The following ENKUR variants were observed in gnomAD, a reference collection of about 807,000 sequenced individuals.
The protein encoded by ENKUR is enkurin, TRPC channel interacting protein.
ENKUR carries 19 observed loss-of-function variants against 27.6 expected under a neutral mutation model. The observed-to-expected ratio is 0.69, with a 90% confidence interval of 0.48 to 1.01. The LOEUF (loss-of-function observed/expected upper bound fraction) is 1.01. Among genes scored for constraint, ENKUR ranks in the 50% least tolerant of loss-of-function variants. The pLI, the probability that ENKUR is intolerant of heterozygous loss-of-function variation, is 0.00. For missense variants in ENKUR, 312 were observed against 310.5 expected, an observed-to-expected ratio of 1.00 and a Z score of -0.04; for synonymous variants, 117 against 96.9, an observed-to-expected ratio of 1.21 and a Z score of -1.22.
At chr10:25,013,920 C>T (rs1251909200) in intron 1 of ENKUR, among the ~76,000 whole-genome samples, 1 of 149,724 alleles carries the variant, frequency 6.7e-6, no homozygotes, top group African/African-American at 2.5e-5. Context: ...CCAGCCTGGG[C>T]AAAAAGAGTG....
At chr10:24,987,051 T>C (rs187285330) in intron 4 of ENKUR, among the ~76,000 whole-genome samples, 290 of 152,310 alleles carry the variant, frequency 1.9e-3, no homozygotes, top group African/African-American at 6.7e-3. Flanking sequence ...CTCCCAGCTC[T>C]TTCGCCCTCT....
At chr10:25,061,966 A>C (rs144482821) in intron 1 of ENKUR, among the ~76,000 whole-genome samples, 466 of 152,348 alleles carry the variant, frequency 3.1e-3, no homozygotes, top group Middle Eastern at 0.014. Flanking sequence ...AAAAGTGTGC[A>C]ACTGGCTGAG....
chr10:25,057,654 G>A (rs544900875), intron 2 of ENKUR, among the ~76,000 whole-genome samples: 95 of 152,154 alleles, frequency 6.2e-4, no homozygotes, highest in African/African-American at 2.2e-3. Flanking sequence ...TACCTCTGTG[G>A]GATAAGGAAA....
chr10:25,039,937 TA>T (rs3050369), intron 2 of ENKUR, among the ~76,000 whole-genome samples: 8,418 of 137,174 alleles, frequency 0.061, 271 homozygotes, highest in Non-Finnish European at 0.07. Flanking sequence ...CTTAAAGTAT[TA>T]AAAAAAAAAA....
At position 25,023,354 on chromosome 10, in the gene ENKUR, A is replaced by G. The variant is rs1332095684; in HGVS notation, c.38-27485T>C. On this transcript the variant is annotated intron_variant, in intron 2 of 5. Transcript: ENST00000615958. ...ACCTTTGCACTTGCGGAATTGAGGA[A>G]GTCATGGTATTCAACCCACTCTCTT... 1.1e-5 allele frequency: 18 copies of G among 1,614,180 alleles called. No homozygotes were observed. The South Asian group carries it at 1.9e-4, about 17-fold the overall frequency.
chr10:25,015,057 T>C (rs1850534716), intron 1 of ENKUR, among the ~76,000 whole-genome samples: 1 of 152,198 alleles, frequency 6.6e-6, no homozygotes, highest in Admixed American at 6.5e-5. Context: ...ACAAGGATGA[T>C]GGTAAAAGAC....
intron 2 of ENKUR, among the ~76,000 whole-genome samples, chr10:24,998,358 C>CCTCTCTCT (rs34059986): frequency 1.7e-5 from 2 of 117,306 alleles, no homozygotes; most frequent in African/African-American, 6.7e-5. Context: ...TTCCTTCCTT[C>CCTCTCTCT]CTCTCTCTCT....
At chr10:24,990,181 A>G (rs1336666922) in intron 4 of ENKUR, among the ~76,000 whole-genome samples, 5 of 152,206 alleles carry the variant, frequency 3.3e-5, no homozygotes, top group African/African-American at 7.2e-5. Context: ...CATTTCATGC[A>G]TGTTCGTTGT....
chr10:25,018,162 T>G (rs1182712159), upstream of ENKUR, among the ~76,000 whole-genome samples: 2 of 152,240 alleles, frequency 1.3e-5, no homozygotes, highest in African/African-American at 4.8e-5. Flanking sequence ...CACTGTGGTA[T>G]AGTTAGTTTA....
chr10:25,015,723 A>G (rs1016224119), intron 1 of ENKUR, 137 bp downstream of exon 1: 3 of 760,628 alleles, frequency 3.9e-6, no homozygotes, highest in Non-Finnish European at 5.6e-6. Flanking sequence ...TTCTCTAACA[A>G]GTTATCCTCC....
chr10:24,983,794 T>C lies in ENKUR; in HGVS notation c.*576A>G, dbSNP rs1325733510. On this transcript the variant is annotated 3_prime_UTR_variant, in exon 6 of 6. Coordinates refer to ENST00000331161, the MANE Select transcript of ENKUR (RefSeq NM_145010.4). ...TTGTTATTTCTCTGATATTTTATAG[T>C]TGCATATATTTTACCAAATTTTTCT... 6.6e-6 allele frequency: 1 copy of C among 152,226 alleles called. No individual in the cohort carries two copies. The highest frequency in any genetic ancestry group is 1.5e-5 in the Non-Finnish European group (1 of 68,044). The allele number at this position is 152,226 out of a possible 1,614,324, so 9.4% of individuals were successfully genotyped here. A position where few individuals can be genotyped will look rare whatever the true frequency, so the allele number is the denominator to read the frequency against.
intron 3 of ENKUR, among the ~76,000 whole-genome samples, chr10:24,990,866 TG>T (rs200739980): frequency 0.029 from 4,392 of 151,414 alleles, 141 homozygotes; most frequent in African/African-American, 0.079. Context: ...GGCTGAGGGG[TG>T]GGGGGGTGGA....
At chr10:25,042,590 T>A (rs1851077257) in intron 2 of ENKUR, among the ~76,000 whole-genome samples, 1 of 152,048 alleles carries the variant, frequency 6.6e-6, no homozygotes, top group Non-Finnish European at 1.5e-5. Flanking sequence ...CCACCATGCC[T>A]GGCCCTGAAA....
chr10:25,026,992 T>C (rs1850865970), intron 2 of ENKUR, among the ~76,000 whole-genome samples: 1 of 152,144 alleles, frequency 6.6e-6, no homozygotes, highest in South Asian at 2.1e-4. Context: ...TATTTTATCA[T>C]TTACTTTTAA....
chr10:25,009,912 C>G (rs1023713431), intron 1 of ENKUR, among the ~76,000 whole-genome samples: 2 of 152,158 alleles, frequency 1.3e-5, no homozygotes, highest in East Asian at 3.8e-4. Flanking sequence ...AAACCTCTTT[C>G]CTTTATAAAT....
intron 2 of ENKUR, among the ~76,000 whole-genome samples, chr10:25,051,859 A>C (rs775500696): frequency 6.6e-6 from 1 of 152,222 alleles, no homozygotes; most frequent in Non-Finnish European, 1.5e-5. Flanking sequence ...TGTCCCTACT[A>C]GGTCGTCATT....
chr10:25,048,831 C>T (rs569721761), intron 2 of ENKUR, among the ~76,000 whole-genome samples: 3 of 150,694 alleles, frequency 2.0e-5, no homozygotes, highest in African/African-American at 7.3e-5. Flanking sequence ...TATCTTTACC[C>T]CAGCGATTTG....
At chr10:25,037,638 C>T (rs190349934) in intron 2 of ENKUR, among the ~76,000 whole-genome samples, 16 of 152,194 alleles carry the variant, frequency 1.1e-4, no homozygotes, top group Admixed American at 7.9e-4. Flanking sequence ...TATTTCTGCC[C>T]CTAACTAACT....
chr10:25,010,465 T>C (rs1235494537), intron 1 of ENKUR, among the ~76,000 whole-genome samples: 2 of 151,654 alleles, frequency 1.3e-5, no homozygotes, highest in African/African-American at 4.8e-5. Context: ...TTATTATACT[T>C]TAAGTTTTAG....
Sources: gnomAD v4.1 joint callset for allele counts (sites outside exome capture counted in the v4.1 genomes callset) on GRCh38, gnomAD v4.1.1 for gene constraint, MANE v1.5 for transcripts, NCBI Gene and HGNC (gene_info 2026-07-23, HGNC 2026-07-21) for gene names.